Variants in ATP6V0D1 observed in about 807,000 individuals in gnomAD.
ATP6V0D1 encodes the protein ATPase H+ transporting V0 subunit d1, also known as V-type proton ATPase subunit d 1.
In ATP6V0D1, 13 loss-of-function variants were observed where a neutral mutation model predicts 39.0. That is an observed-to-expected ratio of 0.33 (90% CI 0.22 to 0.53). The LOEUF is 0.53. Ranked by LOEUF, ATP6V0D1 falls within the 20% of genes least tolerant of loss-of-function variation. The probability of loss-of-function intolerance (pLI) is 0.94; values close to 1 mark genes in which losing one functional copy is unlikely to be tolerated. For synonymous variants in ATP6V0D1, 191 were observed against 191.2 expected (o/e 1.00, Z 0.01); for missense variants, 272 against 470.9 (o/e 0.58, Z 3.91).
rs1205208654 is a variant in ATP6V0D1, at chr16:67,456,714, T to G, written c.131-2999A>C. The G allele has an allele frequency of 1.3e-5, 2 of 152,258 alleles. No homozygotes were observed. The highest frequency in any genetic ancestry group is 4.8e-5 in the African/African-American group (2 of 41,460). The allele number at this position is 152,258 out of a possible 1,614,324, so 9.4% of individuals were successfully genotyped here. A position where few individuals can be genotyped will look rare whatever the true frequency, so the allele number is the denominator to read the frequency against. ...GCCTGGGCCTAGAGGCCGGGCCAGA[T>G]GTACAGGGTGAGCTCCAGAGAAAAA... On this transcript the variant is annotated intron_variant, in intron 1 of 7. Transcript: ENST00000290949. The surrounding 1 kb of genome is among the most constrained non-coding windows in gnomAD (Gnocchi z 4.1).
chr16:67,452,642 G>A (rs897050866), intron 2 of ATP6V0D1, among the ~76,000 whole-genome samples: 2 of 152,204 alleles, frequency 1.3e-5, no homozygotes, highest in South Asian at 2.1e-4. Flanking sequence ...GACGCTAGCC[G>A]CTGAGCATGC....
chr16:67,455,515 C>G (rs1342865545), intron 1 of ATP6V0D1: 2 of 152,168 alleles, frequency 1.3e-5, no homozygotes, highest in African/African-American at 2.4e-5. Context: ...TGAACTTCAA[C>G]CTCCTGAGGC....
intron 4 of ATP6V0D1, chr16:67,439,686 T>A: frequency 5.8e-6 from 2 of 346,758 alleles, no homozygotes; most frequent in Non-Finnish European, 5.4e-6. Context: ...TCTGCCTTCC[T>A]TTTCCCCAAA....
intron 1 of ATP6V0D1, chr16:67,457,389 CCTT>C (rs2041248321): frequency 2.8e-6 from 1 of 360,960 alleles, no homozygotes; most frequent in South Asian, 2.2e-5. Flanking sequence ...CTCTGCACCT[CCTT>C]TACCGCTCTA....
In ATP6V0D1 at chr16:67,480,987, G is replaced by A; in HGVS notation, c.100C>T (p.Leu34Phe). 6.2e-7 allele frequency: 1 copy of A among 1,614,180 alleles called. No homozygotes were observed. The highest frequency in any genetic ancestry group is 8.5e-7 in the Non-Finnish European group (1 of 1,179,998). ...KAGVLSQADY[L>F]NLVQCETLED... ...AGCGTCTCGCACTGCACCAGGTTGA[G>A]GTAGTCGGCCTGGCTGAGCACCCCG... The change falls in exon 1 of 8, where the codon CTC becomes TTC. Residue 34 changes from leucine (L) to phenylalanine (F), a missense_variant. Leu to Phe is a conservative substitution (Grantham distance 22). Transcript: ENST00000290949.
chr16:67,458,804 TG>T (rs1265939763), intron 1 of ATP6V0D1, among the ~76,000 whole-genome samples: 2 of 152,150 alleles, frequency 1.3e-5, no homozygotes, highest in Non-Finnish European at 2.9e-5. Flanking sequence ...GGCCTAGGCT[TG>T]CTCCTCAGTC....
intron 4 of ATP6V0D1, chr16:67,441,597 TCTCAG>T (rs2041053038): frequency 6.6e-6 from 1 of 152,264 alleles, no homozygotes; most frequent in Non-Finnish European, 1.5e-5. Context: ...CTCTCTCTCC[TCTCAG>T]CTAACTGGCT....
Position 67,438,842 on chromosome 16 carries a change from C to A in ATP6V0D1, c.845G>T (p.Gly282Val), listed in dbSNP as rs2041009633. The change falls in exon 7 of 8, where the codon GGT (glycine) becomes GTT (valine). Residue 282 changes from glycine (G) to valine (V), a missense_variant. This residue lies in a region of ATP6V0D1 where 21 missense variants were observed against 16.5 expected (regional missense o/e 1.27). Transcript: ENST00000290949. Reference protein sequence around the residue: ...PEYKLLFEGAGSNPGDKTLED... With the variant: ...PEYKLLFEGAVSNPGDKTLED... ...CAGCGTCTTGTCTCCAGGGTTGCTA[C>A]CTGCACCCTCGAAGAGCAGCTTGTA... is the stretch of plus-strand genomic sequence containing the variant. 1.2e-6 allele frequency: 2 copies of A among 1,613,704 alleles called. No individual in the cohort carries two copies. The highest frequency in any genetic ancestry group is 2.7e-5 in the African/African-American group (2 of 74,808).
At chr16:67,469,903 C>CT (rs1567542111) in intron 1 of ATP6V0D1, among the ~76,000 whole-genome samples, 1 of 152,188 alleles carries the variant, frequency 6.6e-6, no homozygotes, top group Non-Finnish European at 1.5e-5. Flanking sequence ...GACAACTTGG[C>CT]GCCTATGCTT....
Position 67,456,887 on chromosome 16 carries a change from T to G in ATP6V0D1, c.131-3172A>C, listed in dbSNP as rs1400190761. The stretch of plus-strand genomic sequence containing the variant: ...CGGGCATCTGTGTACACACTGCTCT[T>G]CCAGGCCCTGGCACAAGCTGCTGGG... On this transcript the variant is annotated intron_variant, in intron 1 of 7. Transcript: ENST00000290949. The surrounding 1 kb of genome is among the most constrained non-coding windows in gnomAD (Gnocchi z 4.1). 5 of 152,382 alleles carry G rather than the reference T, an allele frequency of 3.3e-5. No homozygotes were observed. The highest frequency in any genetic ancestry group is 1.2e-4 in the African/African-American group (5 of 41,428). 9.4% of individuals were successfully genotyped at this position (152,382 alleles called of 1,614,324 possible). A position where few individuals can be genotyped will look rare whatever the true frequency, so the allele number is the denominator to read the frequency against.
At chr16:67,457,720 GC>G in intron 1 of ATP6V0D1, 2 of 1,120,794 alleles carry the variant, frequency 1.8e-6, no homozygotes, top group Non-Finnish European at 2.4e-6. Context: ...TCTTCTGCAG[GC>G]CCCCCACTCC....
chr16:67,438,684 C>T lies in ATP6V0D1; in HGVS notation c.900G>A (p.Lys300=). 1 of 1,614,238 alleles carries T rather than the reference C, an allele frequency of 6.2e-7. No homozygotes were observed. The change falls in exon 8 of 8, where the codon AAG becomes AAA. Residue 300 remains lysine (K), a synonymous_variant. Transcript: ENST00000290949. The stretch of plus-strand genomic sequence containing the variant: ...GGTTCAGGAAGGCCAACTTGTTCAG[C>T]TTTACCTGTGGACACGGGCAGATGT... The part of the protein sequence containing the change: ...LEDRFFEHEV[K]LNKLAFLNQF...
At chr16:67,460,572 G>A (rs2041281316) in intron 1 of ATP6V0D1, among the ~76,000 whole-genome samples, 1 of 152,078 alleles carries the variant, frequency 6.6e-6, no homozygotes, top group Non-Finnish European at 1.5e-5. Context: ...CCTCTGCCAG[G>A]GCCCTTCGCA....
intron 1 of ATP6V0D1, among the ~76,000 whole-genome samples, chr16:67,454,139 A>C (rs1225886598): frequency 6.6e-6 from 1 of 152,200 alleles, no homozygotes; most frequent in Non-Finnish European, 1.5e-5. Flanking sequence ...ACACACCCCG[A>C]GGCACATGAA....
At position 67,453,494 on chromosome 16, in the gene ATP6V0D1, G is replaced by GT; in HGVS notation, c.302+49dup. 6.3e-7 allele frequency: 1 copy of GT among 1,595,826 alleles called. No individual in the cohort carries two copies. Among genetic ancestry groups the GT allele is most frequent in the South Asian group, 1.1e-5 (1 of 89,106 alleles). ...CACACTGAACCCAGCTCCTGCAGGT[G>GT]TAGCTATCCTGCCCAGGTAAGAGAA... On this transcript the variant is annotated intron_variant, in intron 2 of 7. Transcript: ENST00000290949. The surrounding 1 kb of genome is among the most constrained non-coding windows in gnomAD (Gnocchi z 4.1).
intron 1 of ATP6V0D1, among the ~76,000 whole-genome samples, chr16:67,468,404 A>G (rs901734258): frequency 6.6e-6 from 1 of 152,158 alleles, no homozygotes; most frequent in Non-Finnish European, 1.5e-5. Flanking sequence ...CCTGGGAAAC[A>G]TGGCAAAACC....
chr16:67,461,350 A>G (rs925488423), intron 1 of ATP6V0D1, among the ~76,000 whole-genome samples: 10 of 152,300 alleles, frequency 6.6e-5, no homozygotes, highest in African/African-American at 2.4e-4. Flanking sequence ...TCTGTCCCCA[A>G]ACCTACATCT....
At chr16:67,450,043 A>G (rs887021043) in intron 2 of ATP6V0D1, among the ~76,000 whole-genome samples, 3 of 152,212 alleles carry the variant, frequency 2.0e-5, no homozygotes, top group African/African-American at 7.2e-5. Context: ...CTCTGTCCCT[A>G]GCTGGGCCAA....
chr16:67,444,495 T>G lies in ATP6V0D1; in HGVS notation c.481+33A>C. On this transcript the variant is annotated intron_variant, in intron 3 of 7. Transcript: ENST00000290949. The surrounding 1 kb of genome is among the most constrained non-coding windows in gnomAD (Gnocchi z 4.8). Reference sequence around the variant, plus strand: ...CCTGATGCGCTGATGCTGACACCACTGCCCACCTCCCATGACCACCACAGC... The same window carrying G: ...CCTGATGCGCTGATGCTGACACCACGGCCCACCTCCCATGACCACCACAGC... 2 of 1,559,332 alleles carry G rather than the reference T, an allele frequency of 1.3e-6. No homozygotes were observed. Among genetic ancestry groups the G allele is most frequent in the Non-Finnish European group, 1.7e-6 (2 of 1,144,090 alleles).
Sources: allele counts gnomAD v4.1 joint callset (sites outside exome capture counted in the v4.1 genomes callset), GRCh38; gene constraint gnomAD v4.1.1; regional missense constraint gnomAD v4.1.1; non-coding constraint Gnocchi (gnomAD v3.1); transcripts MANE v1.5; gene names NCBI Gene and HGNC (gene_info 2026-07-23, HGNC 2026-07-21).